Variants in PARP11 observed in about 807,000 individuals in gnomAD.
PARP11 encodes the protein poly(ADP-ribose) polymerase family member 11, also known as protein mono-ADP-ribosyltransferase PARP11.
In PARP11, 31 loss-of-function variants were observed where a neutral mutation model predicts 42.9. That is an observed-to-expected ratio of 0.72 (90% CI 0.54 to 0.98). The LOEUF (loss-of-function observed/expected upper bound fraction) is 0.98. Ranked by LOEUF, PARP11 falls within the 50% of genes least tolerant of loss-of-function variation. The pLI is 0.00. For synonymous variants in PARP11, 137 were observed against 127.3 expected, an observed-to-expected ratio of 1.08 and a Z score of -0.51; for missense variants, 365 against 413.1, an observed-to-expected ratio of 0.88 and a Z score of 1.01.
chr12:3,818,342 T>G (rs950804922), intron 6 of PARP11, among the ~76,000 whole-genome samples: 1 of 152,216 alleles, frequency 6.6e-6, no homozygotes, highest in Non-Finnish European at 1.5e-5. Context: ...AACTCCTCTT[T>G]TCGTCCTCTA....
chr12:3,858,463 A>G (rs1222394806), intron 1 of PARP11, among the ~76,000 whole-genome samples: 6 of 152,250 alleles, frequency 3.9e-5, no homozygotes, highest in South Asian at 2.1e-4. Flanking sequence ...TTTCTAAGAC[A>G]AAAACCATTG....
intron 1 of PARP11, among the ~76,000 whole-genome samples, chr12:3,862,377 G>GAGGATTGCTT (rs1948309785): frequency 6.6e-6 from 1 of 152,008 alleles, no homozygotes; most frequent in Non-Finnish European, 1.5e-5. Flanking sequence ...CTTGAGCCCA[G>GAGGATTGCTT]GAGTTCAATG....
chr12:3,813,968 T>C, intron 7 of PARP11, 69 bp downstream of exon 7: 6 of 1,198,316 alleles, frequency 5.0e-6, no homozygotes, highest in Non-Finnish European at 6.9e-6. Flanking sequence ...CATATTTATA[T>C]TTATATTCCT....
At chr12:3,856,706 G>A (rs1398130012) in intron 1 of PARP11, among the ~76,000 whole-genome samples, 1 of 151,976 alleles carries the variant, frequency 6.6e-6, no homozygotes, top group Non-Finnish European at 1.5e-5. Flanking sequence ...TGTGGAAGAT[G>A]GAAGACACTG....
chr12:3,816,745 TA>T, intron 6 of PARP11, among the ~76,000 whole-genome samples: 1 of 152,310 alleles, frequency 6.6e-6, no homozygotes, highest in South Asian at 2.1e-4. Flanking sequence ...TACTAAAAGA[TA>T]CAAAAATTAG....
At chr12:3,864,149 G>A (rs935604988) in intron 1 of PARP11, among the ~76,000 whole-genome samples, 9 of 152,118 alleles carry the variant, frequency 5.9e-5, no homozygotes, top group South Asian at 2.1e-4. Flanking sequence ...ATCAGGAATC[G>A]ATATTCGATT....
intron 1 of PARP11, among the ~76,000 whole-genome samples, chr12:3,835,385 TAAACCA>T: frequency 6.6e-6 from 1 of 152,074 alleles, no homozygotes; most frequent in Non-Finnish European, 1.5e-5. Context: ...TATATACACA[TAAACCA>T]ATAACCAAAC....
chr12:3,829,480 T>A (rs1947593575), intron 2 of PARP11, among the ~76,000 whole-genome samples: 1 of 152,246 alleles, frequency 6.6e-6, no homozygotes, highest in Non-Finnish European at 1.5e-5. Context: ...TTTCCTTGAC[T>A]GTAAGACAGA....
intron 7 of PARP11, 43 bp downstream of exon 7, chr12:3,813,994 T>G: frequency 6.9e-7 from 1 of 1,449,334 alleles, no homozygotes; most frequent in South Asian, 1.5e-5. Flanking sequence ...AAGAGGAAAC[T>G]CTCTCCTGGG....
chr12:3,834,294 A>T (rs908967694), intron 1 of PARP11, among the ~76,000 whole-genome samples: 1 of 152,224 alleles, frequency 6.6e-6, no homozygotes, highest in Non-Finnish European at 1.5e-5. Flanking sequence ...GAGAGGACTG[A>T]CTTTATTTGG....
chr12:3,866,886 C>T (rs1948402128), intron 1 of PARP11, among the ~76,000 whole-genome samples: 2 of 152,120 alleles, frequency 1.3e-5, no homozygotes, highest in Admixed American at 1.3e-4. Flanking sequence ...TCATGCAACA[C>T]AATATAGAAG....
chr12:3,858,240 G>A (rs1029391137), intron 1 of PARP11, among the ~76,000 whole-genome samples: 24 of 152,168 alleles, frequency 1.6e-4, no homozygotes, highest in Non-Finnish European at 7.3e-5. Context: ...TGATAATGAG[G>A]CTCCAGTTGT....
chr12:3,848,947 A>G (rs1419061001), intron 1 of PARP11, among the ~76,000 whole-genome samples: 1 of 151,566 alleles, frequency 6.6e-6, no homozygotes, highest in Non-Finnish European at 1.5e-5. Context: ...AGCTCAAACA[A>G]TTCAACAGCA....
rs886166524 is a variant in PARP11 at position 3,861,252 on chromosome 12, A to G, written c.18+11960T>C. Among the ~76,000 whole-genome samples the G allele has an allele frequency of 2.6e-5, 4 of 152,238 alleles. No homozygotes were observed. The highest frequency in any genetic ancestry group is 5.9e-5 in the Non-Finnish European group (4 of 68,048). On this transcript the variant is annotated intron_variant, in intron 1 of 7. Coordinates refer to ENST00000228820, the MANE Select transcript of PARP11 (RefSeq NM_020367.6). This position sits in a 1 kb window ranked among gnomAD's most constrained non-coding sequence, Gnocchi z 4.6. The stretch of plus-strand genomic sequence containing the variant: ...TAGACTAAACGTTTGTGTCCTTGCC[A>G]AATTATTATGTTGAAATTCTAACTC...
chr12:3,828,855 G>T (rs746299830), intron 3 of PARP11, 55 bp downstream of exon 3: 13 of 1,518,140 alleles, frequency 8.6e-6, no homozygotes, highest in Non-Finnish European at 1.2e-5. Context: ...CAGAGCTGTA[G>T]ATTTTATCAT....
chr12:3,873,119 G>A (rs1030096967), intron 1 of PARP11, 93 bp downstream of exon 1: 87 of 1,211,260 alleles, frequency 7.2e-5, no homozygotes, highest in Non-Finnish European at 8.7e-5. Context: ...CCAGACTGAA[G>A]CGAGCGCGGG....
At chr12:3,844,139 G>A (rs1047116258) in intron 1 of PARP11, among the ~76,000 whole-genome samples, 2 of 152,144 alleles carry the variant, frequency 1.3e-5, no homozygotes, top group African/African-American at 2.4e-5. Context: ...ATTACCTAAC[G>A]TCCGTGTAAC....
intron 7 of PARP11, among the ~76,000 whole-genome samples, chr12:3,812,884 C>A (rs541327647): frequency 1.3e-5 from 2 of 152,268 alleles, no homozygotes; most frequent in East Asian, 1.9e-4. Context: ...CTCACTGCAA[C>A]CTCCGCCTCC....
At chr12:3,829,148 ACC>A (rs1216798041) in intron 2 of PARP11, 118 bp from the exon 3 acceptor site, 3 of 1,030,302 alleles carry the variant, frequency 2.9e-6, no homozygotes, top group East Asian at 2.4e-5. Flanking sequence ...CTTACTAATC[ACC>A]TGTTCTAGTT....
Sources: allele counts gnomAD v4.1 joint callset (sites outside exome capture counted in the v4.1 genomes callset), GRCh38; gene constraint gnomAD v4.1.1; non-coding constraint Gnocchi (gnomAD v3.1); transcripts MANE v1.5; gene names NCBI Gene and HGNC (gene_info 2026-07-23, HGNC 2026-07-21).